Variants in AHCYL2 observed in about 807,000 individuals in gnomAD.
AHCYL2 encodes the protein adenosylhomocysteinase like 2, also known as S-adenosylhomocysteine hydrolase-like protein 2.
A neutral mutation model predicts 81.4 loss-of-function variants in AHCYL2; 28 were observed. The observed-to-expected ratio is 0.34, with a 90% CI of 0.25 to 0.47. The LOEUF (loss-of-function observed/expected upper bound fraction) is 0.47, where lower values mean the gene tolerates loss of function less well. Ranked by LOEUF, AHCYL2 falls within the 20% of genes least tolerant of loss-of-function variation. AHCYL2 has a pLI of 1.00. For missense variants in AHCYL2, 551 were observed against 785.1 expected (o/e 0.70, Z 3.56); for synonymous variants, 272 against 290.2 (o/e 0.94, Z 0.64).
At chr7:129,400,212 C>A (rs1366064948) in intron 5 of AHCYL2, 78 bp from the exon 6 acceptor site, 2 of 1,306,466 alleles carry the variant, frequency 1.5e-6, no homozygotes, top group South Asian at 1.3e-5. Context: ...TTAGGAAAAA[C>A]CAGAATCTTC....
Position 129,426,593 on chromosome 7 carries a change from A to G in AHCYL2, c.1829+30A>G. 6.2e-7 allele frequency: 1 copy of G among 1,607,132 alleles called. No individual in the cohort carries two copies. Among genetic ancestry groups the G allele is most frequent in the Non-Finnish European group, 8.5e-7 (1 of 1,176,788 alleles). ...CTTGGGCTCCCCAGAAATCAGGGAC[A>G]CCTGGGCAGTGATGAGCTTCCTGCA... On this transcript the variant is annotated intron_variant, in intron 16 of 16. Transcript: ENST00000325006. The surrounding 1 kb of genome is among the most constrained non-coding windows in gnomAD (Gnocchi z 4.3).
intron 1 of AHCYL2, among the ~76,000 whole-genome samples, chr7:129,330,708 G>C (rs977322602): frequency 6.6e-6 from 1 of 151,540 alleles, no homozygotes. Context: ...TGATCCACCC[G>C]CCTTGGCCTC....
intron 1 of AHCYL2, among the ~76,000 whole-genome samples, chr7:129,259,542 T>C (rs1286381365): frequency 6.6e-6 from 1 of 152,186 alleles, no homozygotes; most frequent in African/African-American, 2.4e-5. Flanking sequence ...CTAAGTTAAG[T>C]ACTGTACTTG....
At chr7:129,412,529 C>A (rs548547471) in intron 11 of AHCYL2, among the ~76,000 whole-genome samples, 11 of 151,706 alleles carry the variant, frequency 7.3e-5, no homozygotes, top group Admixed American at 6.6e-4. Flanking sequence ...AATCCACCCC[C>A]CTCAGCCTCC....
intron 1 of AHCYL2, among the ~76,000 whole-genome samples, chr7:129,333,588 GAGTGTGGC>G: frequency 6.6e-6 from 1 of 152,172 alleles, no homozygotes; most frequent in East Asian, 1.9e-4. Context: ...AGAGAAAAGT[GAGTGTGGC>G]AGTTACTCAT....
intron 1 of AHCYL2, among the ~76,000 whole-genome samples, chr7:129,256,828 T>C (rs975815784): frequency 6.6e-6 from 1 of 151,958 alleles, no homozygotes; most frequent in Non-Finnish European, 1.5e-5. Context: ...CCAAATGCAA[T>C]AGAGGTTTTT....
chr7:129,368,471 A>G lies in AHCYL2; in HGVS notation c.364-11167A>G. Reference sequence around the variant, plus strand: ...AACCAGCTTTCCCTTTTGCTTCAGGACATATCTTACCCAAGCCTGCACTAT... The same window carrying G: ...AACCAGCTTTCCCTTTTGCTTCAGGGCATATCTTACCCAAGCCTGCACTAT... On this transcript the variant is annotated intron_variant, in intron 1 of 16. Coordinates refer to ENST00000325006, the MANE Select transcript of AHCYL2 (RefSeq NM_015328.4). This position sits in a 1 kb window ranked among gnomAD's most constrained non-coding sequence, Gnocchi z 4.4. 6.2e-7 allele frequency: 1 copy of G among 1,613,966 alleles called. No individual in the cohort carries two copies. Among genetic ancestry groups the G allele is most frequent in the Non-Finnish European group, 8.5e-7 (1 of 1,179,868 alleles).
intron 1 of AHCYL2, among the ~76,000 whole-genome samples, chr7:129,244,057 G>A (rs760175075): frequency 6.6e-6 from 1 of 151,452 alleles, no homozygotes; most frequent in Non-Finnish European, 1.5e-5. Flanking sequence ...AGAGTGCAGT[G>A]GTGCAATCAT....
chr7:129,331,010 A>T (rs561225309), intron 1 of AHCYL2, among the ~76,000 whole-genome samples: 2 of 152,306 alleles, frequency 1.3e-5, no homozygotes, highest in East Asian at 3.9e-4. Context: ...TATGATATAA[A>T]ACCCATTATT....
intron 1 of AHCYL2, among the ~76,000 whole-genome samples, chr7:129,344,382 G>A (rs924101761): frequency 1.3e-5 from 2 of 152,044 alleles, no homozygotes; most frequent in African/African-American, 4.8e-5. Flanking sequence ...ATAAAGTATG[G>A]TACACCCATG....
chr7:129,364,217 G>A (rs1794027249), intron 1 of AHCYL2, among the ~76,000 whole-genome samples: 1 of 152,056 alleles, frequency 6.6e-6, no homozygotes, highest in African/African-American at 2.4e-5. Flanking sequence ...GACATAGTGA[G>A]ACCCTCTTAG....
At chr7:129,311,731 C>G (rs532498091) in intron 1 of AHCYL2, among the ~76,000 whole-genome samples, 1 of 152,314 alleles carries the variant, frequency 6.6e-6, no homozygotes, top group Non-Finnish European at 1.5e-5. Context: ...ACTGTCACAT[C>G]TTACGTGGAT....
intron 1 of AHCYL2, among the ~76,000 whole-genome samples, chr7:129,328,417 C>G (rs761359178): frequency 2.0e-5 from 3 of 151,532 alleles, no homozygotes; most frequent in Non-Finnish European, 2.9e-5. Flanking sequence ...ACCTTGTGAT[C>G]CACCTGTCTC....
chr7:129,354,101 G>T (rs777058039), intron 1 of AHCYL2, among the ~76,000 whole-genome samples: 2 of 152,162 alleles, frequency 1.3e-5, no homozygotes, highest in Non-Finnish European at 2.9e-5. Context: ...GGACTGAATG[G>T]AAGGTGAAGA....
At chr7:129,241,130 G>C (rs1794837575) in intron 1 of AHCYL2, among the ~76,000 whole-genome samples, 1 of 152,112 alleles carries the variant, frequency 6.6e-6, no homozygotes, top group African/African-American at 2.4e-5. Flanking sequence ...AAAAAGAGTT[G>C]ACACATGCAG....
At chr7:129,386,770 G>T (rs1382923763) in intron 2 of AHCYL2, among the ~76,000 whole-genome samples, 1 of 152,130 alleles carries the variant, frequency 6.6e-6, no homozygotes, top group East Asian at 1.9e-4. Context: ...GTAGAGTTAG[G>T]ACTCCAGTCT....
In AHCYL2 at chr7:129,424,974, T is replaced by C. The variant is rs112367573; in HGVS notation, c.1629+32T>C. The stretch of plus-strand genomic sequence containing the variant: ...CTTCCAGAGTGGGATAGCAGTAGTC[T>C]GGAGAAGGTCCTCAGACCCACCAGG... On this transcript the variant is annotated intron_variant, in intron 14 of 16. Coordinates refer to ENST00000325006, the MANE Select transcript of AHCYL2 (RefSeq NM_015328.4). The C allele has an allele frequency of 5.1e-5, 83 of 1,613,932 alleles. 3 individuals are homozygous for C. The African/African-American group carries it at 6.0e-4, about 12-fold the overall frequency.
At chr7:129,295,786 C>G (rs1467094949) in intron 1 of AHCYL2, among the ~76,000 whole-genome samples, 1 of 152,170 alleles carries the variant, frequency 6.6e-6, no homozygotes, top group Non-Finnish European at 1.5e-5. Context: ...AATGCATGCT[C>G]TTAGTAGAAC....
intron 1 of AHCYL2, among the ~76,000 whole-genome samples, chr7:129,270,224 C>T (rs1795961556): frequency 6.6e-6 from 1 of 152,136 alleles, no homozygotes; most frequent in South Asian, 2.1e-4. Context: ...AATGTAACGT[C>T]AGTTGTGTTT....
Sources: gnomAD v4.1 joint callset for allele counts (sites outside exome capture counted in the v4.1 genomes callset) on GRCh38, gnomAD v4.1.1 for gene constraint, Gnocchi (gnomAD v3.1) non-coding constraint, MANE v1.5 for transcripts, NCBI Gene and HGNC (gene_info 2026-07-23, HGNC 2026-07-21) for gene names.